ADAMTS20: variants seen among roughly 807,000 people sequenced by gnomAD.
The protein encoded by ADAMTS20 is ADAM metallopeptidase with thrombospondin type 1 motif 20.
Under a neutral mutation model 260.1 loss-of-function variants are expected in ADAMTS20, and 225 were observed. The observed-to-expected ratio is 0.87, with a 90% CI of 0.78 to 0.97. The LOEUF (loss-of-function observed/expected upper bound fraction) is 0.97. Ranked by LOEUF, ADAMTS20 falls within the 50% of genes least tolerant of loss-of-function variation. ADAMTS20 has a pLI of 0.00. For missense variants in ADAMTS20, 2,400 were observed against 2,337.7 expected, an observed-to-expected ratio of 1.03 and a Z score of -0.55; for synonymous variants, 802 against 769.5, an observed-to-expected ratio of 1.04 and a Z score of -0.70.
At chr12:43,478,793 G>T (rs1285557771) in intron 7 of ADAMTS20, among the ~76,000 whole-genome samples, 2 of 152,164 alleles carry the variant, frequency 1.3e-5, no homozygotes, top group Admixed American at 6.5e-5. Context: ...GTATTTGCCT[G>T]TTAAATCAGG....
intron 28 of ADAMTS20, among the ~76,000 whole-genome samples, chr12:43,409,624 A>AAAAAC (rs1249728349): frequency 1.4e-5 from 2 of 140,502 alleles, no homozygotes; most frequent in Non-Finnish European, 3.1e-5. Context: ...AAAAAAAAAA[A>AAAAAC]AAAAAACAAG....
chr12:43,357,902 A>G (rs1471981878), intron 37 of ADAMTS20, among the ~76,000 whole-genome samples: 1 of 152,226 alleles, frequency 6.6e-6, no homozygotes, highest in Non-Finnish European at 1.5e-5. Flanking sequence ...ACAAAGTCGT[A>G]TTTTATGTTC....
intron 28 of ADAMTS20, among the ~76,000 whole-genome samples, chr12:43,411,084 A>C (rs969663499): frequency 1.4e-4 from 22 of 152,236 alleles, no homozygotes; most frequent in Non-Finnish European, 5.9e-5. Context: ...AACTCTTTAG[A>C]TATATACAGT....
chr12:43,537,731 T>TGTTTTGG (rs2137514989), intron 2 of ADAMTS20, among the ~76,000 whole-genome samples: 1 of 152,228 alleles, frequency 6.6e-6, no homozygotes, highest in African/African-American at 2.4e-5. Flanking sequence ...TGAGTTCAAC[T>TGTTTTGG]GTTTTGGGTT....
chr12:43,395,111 C>G (rs1940672842), intron 29 of ADAMTS20, among the ~76,000 whole-genome samples: 1 of 152,052 alleles, frequency 6.6e-6, no homozygotes. Context: ...GGAGCATTAA[C>G]AGATAGCACT....
chr12:43,539,368 A>G (rs1441871274), intron 2 of ADAMTS20, among the ~76,000 whole-genome samples: 1 of 152,256 alleles, frequency 6.6e-6, no homozygotes, highest in Non-Finnish European at 1.5e-5. Context: ...TAGTGTGCTA[A>G]TGTGTTAGGA....
rs1941354314 is a variant in ADAMTS20, at chr12:43,427,399, G to A, written c.4016C>T (p.Ala1339Val). Residue 1339 changes from alanine (A) to valine (V), a missense_variant, in exon 27 of 39, where the codon GCT becomes GTT. By Grantham distance (64) the Ala-to-Val change is moderately conservative. Transcript: ENST00000389420. ...VVCQDENGQS[A>V]SYCDAASKPP... The stretch of plus-strand genomic sequence containing the variant: ...CTTGGAGGCTGCATCGCAGTAACTA[G>A]CACTTTGTCCATTTTCATCCTGGCA... The A allele has an allele frequency of 1.2e-6, 2 of 1,613,764 alleles. No individual in the cohort carries two copies. The highest frequency in any genetic ancestry group is 8.5e-7 in the Non-Finnish European group (1 of 1,179,860).
intron 31 of ADAMTS20, 131 bp from the exon 32 acceptor site, chr12:43,377,693 G>T: frequency 1.3e-6 from 1 of 748,496 alleles, no homozygotes; most frequent in Non-Finnish European, 2.0e-6. Flanking sequence ...TTCATTTACA[G>T]ATGAGCAAAC....
At position 43,549,251 on chromosome 12, in the gene ADAMTS20, ATAT is replaced by A. The variant is rs1486004478; in HGVS notation, c.453+1655_453+1657del. Among the ~76,000 whole-genome samples, 4 of 151,906 alleles carry A rather than the reference ATAT, an allele frequency of 2.6e-5. No individual in the cohort carries two copies. In the East Asian group the frequency reaches 7.7e-4, roughly 29 times the overall value. On this transcript the variant is annotated intron_variant, in intron 2 of 38. Coordinates refer to ENST00000389420, the MANE Select transcript of ADAMTS20 (RefSeq NM_025003.5). Reference sequence around the variant, plus strand: ...AATCTTCACACGTAACATTATAAAAATATTAATATTAATTTTTAGATATGTTAA... The same window carrying A: ...AATCTTCACACGTAACATTATAAAAATAATATTAATTTTTAGATATGTTAA...
intron 28 of ADAMTS20, 46 bp from the exon 29 acceptor site, chr12:43,399,279 A>T: frequency 7.3e-7 from 1 of 1,361,190 alleles, no homozygotes. Flanking sequence ...CTTCTTGATT[A>T]ATTTAAGCTT....
intron 14 of ADAMTS20, 84 bp from the exon 15 acceptor site, chr12:43,446,796 A>G (rs1244405651): frequency 8.9e-7 from 1 of 1,125,810 alleles, no homozygotes; most frequent in African/African-American, 1.5e-5. Context: ...ACAATCAGAT[A>G]TGACAAAGGG....
intron 29 of ADAMTS20, among the ~76,000 whole-genome samples, chr12:43,387,057 G>T (rs1247381411): frequency 1.3e-5 from 2 of 152,306 alleles, no homozygotes; most frequent in East Asian, 3.9e-4. Context: ...TCCTCTGCAG[G>T]AGAAGAGGCA....
intron 7 of ADAMTS20, among the ~76,000 whole-genome samples, chr12:43,471,224 C>T (rs375119784): frequency 3.9e-5 from 6 of 152,104 alleles, no homozygotes; most frequent in South Asian, 2.1e-4. Flanking sequence ...AAAGGGGTGA[C>T]GGACGCACCT....
intron 7 of ADAMTS20, among the ~76,000 whole-genome samples, chr12:43,472,935 G>A (rs1241406456): frequency 7.4e-6 from 1 of 134,642 alleles, no homozygotes; most frequent in African/African-American, 2.9e-5. Flanking sequence ...CAACTAATGA[G>A]CAAAATCACC....
At chr12:43,531,543 A>G (rs190974620) in intron 3 of ADAMTS20, among the ~76,000 whole-genome samples, 3 of 152,292 alleles carry the variant, frequency 2.0e-5, no homozygotes, top group East Asian at 3.9e-4. Flanking sequence ...AATATTTAAG[A>G]AATATCATAT....
chr12:43,428,350 T>C lies in ADAMTS20; in HGVS notation c.3836A>G (p.Tyr1279Cys), dbSNP rs566876520. 3.7e-6 allele frequency: 6 copies of C among 1,613,942 alleles called. No individual in the cohort carries two copies. Among genetic ancestry groups the C allele is most frequent in the Middle Eastern group, 3.3e-4 (2 of 6,060 alleles). ...TAATGGCAAATTCGTGCTTAGATAA[T>C]AGCTTGGCTGCACAGGGGAACTAGG... Reference protein sequence around the residue: ...HFPSSPVQPSYYLSTNLPLTQ... With the variant: ...HFPSSPVQPSCYLSTNLPLTQ... The change falls in exon 26 of 39, where the codon TAT (tyrosine) becomes TGT (cysteine). Residue 1279 changes from tyrosine (Y) to cysteine (C), a missense_variant. Physicochemically the swap from Tyr to Cys is radical, Grantham distance 194. Transcript: ENST00000389420.
In ADAMTS20 at chr12:43,365,378, C is replaced by T. The variant is rs901852921; in HGVS notation, c.5538+3912G>A. On this transcript the variant is annotated intron_variant, in intron 37 of 38. Coordinates refer to ENST00000389420, the MANE Select transcript of ADAMTS20 (RefSeq NM_025003.5). ...TAAAATACGCTATAATTGCATATCTCTTCACTTTTCTTATTTTAACTGATT... is the reference window on the plus strand; with the variant it reads ...TAAAATACGCTATAATTGCATATCTTTTCACTTTTCTTATTTTAACTGATT... Among the ~76,000 whole-genome samples, 93 of 152,000 alleles carry T rather than the reference C, an allele frequency of 6.1e-4. 2 individuals are homozygous for T. Among genetic ancestry groups the T allele is most frequent in the Non-Finnish European group, 2.1e-4 (14 of 67,924 alleles).
At chr12:43,503,497 A>T (rs2137450253) in intron 3 of ADAMTS20, among the ~76,000 whole-genome samples, 1 of 152,260 alleles carries the variant, frequency 6.6e-6, no homozygotes, top group Middle Eastern at 3.4e-3. Flanking sequence ...CACTTTAGAC[A>T]TTAAGTTTCC....
intron 2 of ADAMTS20, among the ~76,000 whole-genome samples, chr12:43,549,090 T>G (rs1943477953): frequency 6.6e-6 from 1 of 151,980 alleles, no homozygotes; most frequent in Non-Finnish European, 1.5e-5. Flanking sequence ...AATGTTTTAT[T>G]ATAAAATTTA....
Sources: allele counts gnomAD v4.1 joint callset (sites outside exome capture counted in the v4.1 genomes callset), GRCh38; gene constraint gnomAD v4.1.1; transcripts MANE v1.5; gene names NCBI Gene and HGNC (gene_info 2026-07-23, HGNC 2026-07-21).